The following GRID2 variants were observed in gnomAD, a reference collection of about 807,000 sequenced individuals.
GRID2 encodes glutamate ionotropic receptor delta type subunit 2.
Under a neutral mutation model 114.8 loss-of-function variants are expected in GRID2, and 33 were observed. The observed-to-expected ratio is 0.29, with a 90% CI of 0.22 to 0.38. The LOEUF is 0.38. Among genes scored for constraint, GRID2 ranks in the 10% least tolerant of loss-of-function variants. GRID2 has a pLI of 1.00. For synonymous variants in GRID2, 505 were observed against 449.9 expected, an observed-to-expected ratio of 1.12 and a Z score of -1.55; for missense variants, 1,184 against 1,257.7, an observed-to-expected ratio of 0.94 and a Z score of 0.89.
rs1039923790 is a variant in GRID2 at position 93,012,992 on chromosome 4, T to C, written c.245-72003T>C. Among the ~76,000 whole-genome samples the C allele has an allele frequency of 4.6e-5, 7 of 152,218 alleles. No homozygotes were observed. The East Asian group carries it at 1.2e-3, about 25-fold the overall frequency. ...ACTCCTTTAATATTTAATATACTGA[T>C]GGCTTTGCTAAAATTCATATGGGAT... On this transcript the variant is annotated intron_variant, in intron 2 of 15. Transcript: ENST00000282020.
At chr4:93,136,291 A>C (rs1396873354) in intron 4 of GRID2, among the ~76,000 whole-genome samples, 1 of 150,314 alleles carries the variant, frequency 6.7e-6, no homozygotes, top group Non-Finnish European at 1.5e-5. Flanking sequence ...TAATTATCCT[A>C]AGAATGCTAA....
At chr4:93,119,139 C>T (rs571744204) in intron 4 of GRID2, among the ~76,000 whole-genome samples, 17 of 152,062 alleles carry the variant, frequency 1.1e-4, no homozygotes, top group Non-Finnish European at 2.4e-4. Context: ...AATGTCTACA[C>T]TTAGTGCTCC....
intron 2 of GRID2, among the ~76,000 whole-genome samples, chr4:92,842,724 T>C (rs1742999980): frequency 6.6e-6 from 1 of 151,766 alleles, no homozygotes; most frequent in Admixed American, 6.6e-5. Flanking sequence ...AAGAAAAAGA[T>C]GAAAAACAAA....
At position 93,344,550 on chromosome 4, in the gene GRID2, G is replaced by A. The variant is rs145327240; in HGVS notation, c.1246-51057G>A. ...ATCAAGCTAATTAACATCTATTGTT[G>A]CACATACTTATATTTTGTGAGAGCA... On this transcript the variant is annotated intron_variant, in intron 8 of 15. Transcript: ENST00000282020. Among the ~76,000 whole-genome samples, 742 of 150,780 alleles carry A rather than the reference G, an allele frequency of 4.9e-3. 8 individuals are homozygous for A. The highest frequency in any genetic ancestry group is 0.018 in the African/African-American group (722 of 41,250).
chr4:92,780,767 G>C (rs1739031262), intron 2 of GRID2, among the ~76,000 whole-genome samples: 1 of 151,786 alleles, frequency 6.6e-6, no homozygotes, highest in African/African-American at 2.4e-5. Context: ...CCTGCAGTTA[G>C]ACTGTTCATG....
intron 2 of GRID2, among the ~76,000 whole-genome samples, chr4:92,965,221 G>A (rs1209102962): frequency 1.3e-5 from 2 of 151,632 alleles, no homozygotes; most frequent in African/African-American, 4.8e-5. Flanking sequence ...GATTAAGATC[G>A]ATTCATTTTG....
chr4:92,568,332 A>T (rs1727436798), intron 1 of GRID2, among the ~76,000 whole-genome samples: 2 of 152,040 alleles, frequency 1.3e-5, no homozygotes, highest in African/African-American at 4.8e-5. Context: ...GGATTTTGAC[A>T]GTTTCTACAG....
chr4:92,894,045 G>T (rs1746982112), intron 2 of GRID2, among the ~76,000 whole-genome samples: 1 of 152,082 alleles, frequency 6.6e-6, no homozygotes, highest in Admixed American at 6.6e-5. Context: ...CTACAAGCTA[G>T]CAAGTCTTTT....
intron 8 of GRID2, among the ~76,000 whole-genome samples, chr4:93,370,749 T>C (rs567371117): frequency 6.6e-6 from 1 of 152,318 alleles, no homozygotes; most frequent in Non-Finnish European, 1.5e-5. Context: ...TCTATTACTG[T>C]GTGCATCATA....
intron 2 of GRID2, among the ~76,000 whole-genome samples, chr4:92,778,575 C>A (rs923153541): frequency 2.0e-5 from 3 of 152,000 alleles, no homozygotes; most frequent in Non-Finnish European, 4.4e-5. Flanking sequence ...TTTATTCAAT[C>A]TTAATATACT....
chr4:92,925,429 A>G (rs538396031), intron 2 of GRID2, among the ~76,000 whole-genome samples: 1 of 152,202 alleles, frequency 6.6e-6, no homozygotes, highest in African/African-American at 2.4e-5. Context: ...AAAGCCCTGA[A>G]GTAATGAAAG....
chr4:93,796,222 G>A (rs570345335), intron 1 of GRID2, among the ~76,000 whole-genome samples: 2 of 152,156 alleles, frequency 1.3e-5, no homozygotes, highest in East Asian at 3.9e-4. Context: ...TCTAGCTTCT[G>A]ATTAACTCAA....
chr4:92,458,321 C>T lies in GRID2; in HGVS notation c.89-131810C>T, dbSNP rs550963459. On this transcript the variant is annotated intron_variant, in intron 1 of 15. Transcript: ENST00000282020. ...TTCAGCCACTTAATTAAGTCTGTGA[C>T]CTTGGCGATTTCATATAAATATTTA... is the stretch of plus-strand genomic sequence containing the variant. Among the ~76,000 whole-genome samples, 62 of 152,278 alleles carry T rather than the reference C, an allele frequency of 4.1e-4. No homozygotes were observed. In the South Asian group the frequency reaches 6.6e-3, roughly 16 times the overall value.
intron 2 of GRID2, among the ~76,000 whole-genome samples, chr4:92,732,874 G>A (rs1430780968): frequency 2.6e-5 from 4 of 151,926 alleles, no homozygotes; most frequent in Non-Finnish European, 4.4e-5. Flanking sequence ...TGCATTTGTC[G>A]TTGTACATTT....
chr4:92,353,621 T>C (rs1351666152), intron 1 of GRID2, among the ~76,000 whole-genome samples: 1 of 152,028 alleles, frequency 6.6e-6, no homozygotes, highest in African/African-American at 2.4e-5. Context: ...AACAGAAGTT[T>C]TCTTGAACAC....
At chr4:93,229,178 A>G (rs982165748) in intron 7 of GRID2, among the ~76,000 whole-genome samples, 6 of 152,174 alleles carry the variant, frequency 3.9e-5, no homozygotes, top group Non-Finnish European at 2.9e-5. Context: ...AAATTGGATT[A>G]CTTTTTGCAT....
intron 2 of GRID2, among the ~76,000 whole-genome samples, chr4:92,905,723 G>C (rs1747898013): frequency 6.6e-6 from 1 of 152,030 alleles, no homozygotes; most frequent in South Asian, 2.1e-4. Context: ...TGAAAGTCTA[G>C]AACTCACATC....
intron 9 of GRID2, among the ~76,000 whole-genome samples, chr4:93,413,114 T>C (rs1767367210): frequency 6.6e-6 from 1 of 152,196 alleles, no homozygotes; most frequent in African/African-American, 2.4e-5. Context: ...AAATACCCAG[T>C]AATGAGATTG....
At position 92,625,308 on chromosome 4, in the gene GRID2, A is replaced by G. The variant is rs1730465920; in HGVS notation, c.244+35022A>G. 2.0e-5 allele frequency among the ~76,000 whole-genome samples: 3 copies of G among 151,972 alleles called. No individual in the cohort carries two copies. The South Asian group carries it at 6.2e-4, about 32-fold the overall frequency. On this transcript the variant is annotated intron_variant, in intron 2 of 15. Coordinates refer to ENST00000282020, the MANE Select transcript of GRID2 (RefSeq NM_001510.4). ...GTCTAATAGGATTGTGCTATCACAA[A>G]ATCTTAGAGCTAGAAGATCCTCAGA... is the stretch of plus-strand genomic sequence containing the variant.
Sources: gnomAD v4.1 joint callset for allele counts (sites outside exome capture counted in the v4.1 genomes callset) on GRCh38, gnomAD v4.1.1 for gene constraint, MANE v1.5 for transcripts, NCBI Gene and HGNC (gene_info 2026-07-23, HGNC 2026-07-21) for gene names.